Variants in CELF2 observed in about 807,000 individuals in gnomAD.
The protein encoded by CELF2 is CUG triplet repeat RNA-binding protein 2.
CELF2 carries 8 observed loss-of-function variants against 62.6 expected under a neutral mutation model. The observed-to-expected ratio is 0.13, with a 90% confidence interval of 0.07 to 0.23. CELF2 has a LOEUF of 0.23. Ranked by LOEUF, CELF2 falls within the 10% of genes least tolerant of loss-of-function variation. The pLI is 1.00. For synonymous variants in CELF2, 258 were observed against 250.0 expected (o/e 1.03, Z -0.30); for missense variants, 333 against 671.0 (o/e 0.50, Z 5.56).
the CELF2 span, among the ~76,000 whole-genome samples, chr10:10,637,939 C>T: frequency 1.3e-5 from 2 of 152,060 alleles, no homozygotes; most frequent in African/African-American, 4.8e-5. Context: ...ACCTCTTTGA[C>T]AGAAGAAAAG....
At chr10:10,626,760 G>A in the CELF2 span, among the ~76,000 whole-genome samples, 282 of 152,262 alleles carry the variant, frequency 1.9e-3, 1 homozygote, top group Admixed American at 5.1e-3. Context: ...TTGCTTCTGT[G>A]TATTAATTTT....
chr10:10,561,033 G>A, the CELF2 span, among the ~76,000 whole-genome samples: 1 of 147,764 alleles, frequency 6.8e-6, no homozygotes, highest in Non-Finnish European at 1.5e-5. Flanking sequence ...GTGGGAGGGG[G>A]GTGACAGATA....
chr10:10,490,002 T>C, the CELF2 span, among the ~76,000 whole-genome samples: 1 of 152,204 alleles, frequency 6.6e-6, no homozygotes, highest in South Asian at 2.1e-4. Context: ...GCAGAGTACT[T>C]TATGGCATGA....
At chr10:10,851,735 A>T (rs1204884946) in intron 1 of CELF2, among the ~76,000 whole-genome samples, 1 of 152,184 alleles carries the variant, frequency 6.6e-6, no homozygotes, top group Admixed American at 6.5e-5. Context: ...CGTACAAGGA[A>T]CTCTCAAAAC....
chr10:10,520,361 T>C, the CELF2 span, among the ~76,000 whole-genome samples: 1 of 152,154 alleles, frequency 6.6e-6, no homozygotes, highest in African/African-American at 2.4e-5. Context: ...TGGCAAGCTG[T>C]CCAGCCTCCA....
chr10:11,102,948 C>T (rs1247401512), intron 1 of CELF2, among the ~76,000 whole-genome samples: 1 of 152,106 alleles, frequency 6.6e-6, no homozygotes, highest in Non-Finnish European at 1.5e-5. Flanking sequence ...GTTGGAACAA[C>T]CTCTTCAGCC....
chr10:10,513,615 A>T, the CELF2 span, among the ~76,000 whole-genome samples: 7 of 152,326 alleles, frequency 4.6e-5, no homozygotes, highest in South Asian at 1.4e-3. Context: ...GGTTGCCCAC[A>T]TATAGCAGAA....
chr10:10,492,083 AT>A, the CELF2 span, among the ~76,000 whole-genome samples: 6 of 151,768 alleles, frequency 4.0e-5, no homozygotes, highest in African/African-American at 1.5e-4. Flanking sequence ...TCTATTTTTA[AT>A]TTTCTTTCAT....
At chr10:10,836,619 A>T (rs2058308165) in intron 1 of CELF2, among the ~76,000 whole-genome samples, 1 of 152,232 alleles carries the variant, frequency 6.6e-6, no homozygotes, top group Admixed American at 6.5e-5. Context: ...TTTGCCTGTC[A>T]CATAAAATCT....
At chr10:10,692,323 A>G in the CELF2 span, among the ~76,000 whole-genome samples, 8 of 151,114 alleles carry the variant, frequency 5.3e-5, no homozygotes, top group African/African-American at 1.7e-4. Context: ...AGTTGTAGAT[A>G]TGTGGCATTA....
chr10:10,696,253 T>A, the CELF2 span, among the ~76,000 whole-genome samples: 1 of 152,036 alleles, frequency 6.6e-6, no homozygotes, highest in Admixed American at 6.5e-5. Context: ...TCTGTTGGAG[T>A]ACCCTGCCGT....
chr10:10,546,979 C>T, the CELF2 span, among the ~76,000 whole-genome samples: 14 of 152,024 alleles, frequency 9.2e-5, no homozygotes, highest in African/African-American at 1.7e-4. Flanking sequence ...TGGTGGCATG[C>T]GCCTGTGATC....
chr10:10,833,616 T>C (rs2058049258), intron 1 of CELF2, among the ~76,000 whole-genome samples: 3 of 152,104 alleles, frequency 2.0e-5, no homozygotes, highest in South Asian at 2.1e-4. Context: ...CACAGCCCCA[T>C]GTTAGAAATG....
At chr10:11,274,561 G>A (rs1030846556) in intron 7 of CELF2, among the ~76,000 whole-genome samples, 1 of 152,230 alleles carries the variant, frequency 6.6e-6, no homozygotes, top group African/African-American at 2.4e-5. Flanking sequence ...AGTGGTGGCT[G>A]CAGCTGTACG....
the CELF2 span, among the ~76,000 whole-genome samples, chr10:10,708,376 T>C: frequency 6.6e-6 from 1 of 152,198 alleles, no homozygotes; most frequent in East Asian, 1.9e-4. Context: ...GAGACATTAG[T>C]ACTCTTTCTG....
At chr10:11,219,815 G>A (rs1175817739) in intron 3 of CELF2, among the ~76,000 whole-genome samples, 1 of 152,186 alleles carries the variant, frequency 6.6e-6, no homozygotes, top group Non-Finnish European at 1.5e-5. Flanking sequence ...AGGGTGCCTT[G>A]CGGTTTGATT....
chr10:10,929,998 G>T (rs565447256), intron 2 of CELF2, among the ~76,000 whole-genome samples: 1 of 152,168 alleles, frequency 6.6e-6, no homozygotes, highest in South Asian at 2.1e-4. Context: ...AATACTGCCC[G>T]CCTATCACGG....
chr10:11,324,772 C>T lies in CELF2; in HGVS notation c.1295-1064C>T, dbSNP rs1416601565. ...TTCTTCATGCCACACAGACACCCTT[C>T]CCACATCTAGGGACCCCAGTGCAGC... On this transcript the variant is annotated intron_variant, in intron 11 of 12. Coordinates refer to ENST00000633077, the MANE Select transcript of CELF2 (RefSeq NM_001326342.2). This position sits in a 1 kb window ranked among gnomAD's most constrained non-coding sequence, Gnocchi z 4.7. Among the ~76,000 whole-genome samples the T allele has an allele frequency of 2.6e-5, 4 of 152,312 alleles. No homozygotes were observed. The highest frequency in any genetic ancestry group is 2.1e-4 in the South Asian group (1 of 4,824).
At chr10:10,482,902 A>C in the CELF2 span, among the ~76,000 whole-genome samples, 2 of 152,146 alleles carry the variant, frequency 1.3e-5, no homozygotes, top group Non-Finnish European at 2.9e-5. Flanking sequence ...CTCAGAGCTC[A>C]CTGAAATTAT....
Sources: allele counts gnomAD v4.1 joint callset (sites outside exome capture counted in the v4.1 genomes callset), GRCh38; gene constraint gnomAD v4.1.1; non-coding constraint Gnocchi (gnomAD v3.1); transcripts MANE v1.5; gene names NCBI Gene and HGNC (gene_info 2026-07-23, HGNC 2026-07-21).